UGT1A9: variants seen among roughly 807,000 people sequenced by gnomAD.
UGT1A9 encodes the protein UDP glucuronosyltransferase family 1 member A9, also known as UDP-glucuronosyltransferase 1A9.
Under a neutral mutation model 45.0 loss-of-function variants are expected in UGT1A9, and 35 were observed. The ratio of observed to expected loss-of-function variants is 0.78; its 90% CI spans 0.59 to 1.03. The LOEUF (loss-of-function observed/expected upper bound fraction) is 1.03, where lower values mean the gene tolerates loss of function less well. Ranked by LOEUF, UGT1A9 falls within the 50% of genes least tolerant of loss-of-function variation. The probability of loss-of-function intolerance (pLI) is 0.00; values close to 1 mark genes in which losing one functional copy is unlikely to be tolerated. For missense variants in UGT1A9, 687 were observed against 666.6 expected (o/e 1.03, Z -0.34); for synonymous variants, 278 against 250.6 (o/e 1.11, Z -1.03).
chr2:233,686,016 A>G lies in UGT1A9; in HGVS notation c.855+13227A>G, dbSNP rs565898309. On this transcript the variant is annotated intron_variant, in intron 1 of 4. Coordinates refer to ENST00000354728, the MANE Select transcript of UGT1A9 (RefSeq NM_021027.3). ...CTGTACATCCTTTGCCTTGATTTTCATCATGGTGCCAAGAGCATTGAAATG... is the reference window on the plus strand; with the variant it reads ...CTGTACATCCTTTGCCTTGATTTTCGTCATGGTGCCAAGAGCATTGAAATG... Among the ~76,000 whole-genome samples the G allele has an allele frequency of 7.0e-4, 107 of 152,332 alleles. 1 individual carries two copies. Among genetic ancestry groups the G allele is most frequent in the African/African-American group, 2.3e-3 (96 of 41,584 alleles).
At chr2:233,742,213 CAGGGCTGAG>C (rs1691910007) in intron 1 of UGT1A9, among the ~76,000 whole-genome samples, 1 of 151,938 alleles carries the variant, frequency 6.6e-6, no homozygotes, top group Non-Finnish European at 1.5e-5. Context: ...TCACAGCCTT[CAGGGCTGAG>C]AGCCCCAAAC....
At chr2:233,706,326 T>C (rs559515349) in intron 1 of UGT1A9, among the ~76,000 whole-genome samples, 1 of 152,188 alleles carries the variant, frequency 6.6e-6, no homozygotes, top group Non-Finnish European at 1.5e-5. Flanking sequence ...TTGGAACTAT[T>C]CAAGCTGGTG....
intron 1 of UGT1A9, chr2:233,755,330 C>T (rs1695864854): frequency 6.5e-6 from 3 of 463,614 alleles, no homozygotes; most frequent in East Asian, 7.0e-5. Context: ...TGCCAGCACC[C>T]GCGCACAGGT....
chr2:233,729,112 G>T, intron 1 of UGT1A9: 1 of 1,612,932 alleles, frequency 6.2e-7, no homozygotes, highest in South Asian at 1.1e-5. Context: ...TCAGCTGTCC[G>T]TGTCTTCTGC....
chr2:233,753,212 A>G (rs1264665367), intron 1 of UGT1A9: 1 of 152,196 alleles, frequency 6.6e-6, no homozygotes, highest in Non-Finnish European at 1.5e-5. Context: ...AGTCTGTCTT[A>G]TTTTGATACT....
chr2:233,763,565 C>A (rs1354806563), intron 1 of UGT1A9, among the ~76,000 whole-genome samples: 1 of 152,164 alleles, frequency 6.6e-6, no homozygotes, highest in Admixed American at 6.5e-5. Context: ...AGTTACTGTT[C>A]TTATTTTCTC....
chr2:233,744,582 C>T (rs1692857811), intron 1 of UGT1A9, among the ~76,000 whole-genome samples: 2 of 151,846 alleles, frequency 1.3e-5, no homozygotes, highest in African/African-American at 4.9e-5. Flanking sequence ...CATCGTTTTA[C>T]AGTTTTTGCA....
chr2:233,677,561 G>A (rs922418586), intron 1 of UGT1A9, among the ~76,000 whole-genome samples: 2 of 152,024 alleles, frequency 1.3e-5, no homozygotes, highest in South Asian at 2.1e-4. Flanking sequence ...ATTAAAAAAC[G>A]TAACATATGA....
In UGT1A9 at chr2:233,760,246, A is replaced by ATG. The variant is rs772016461; in HGVS notation, c.856-6787_856-6786insGT. 1.6e-5 allele frequency: 25 copies of ATG among 1,608,940 alleles called. No homozygotes were observed. The South Asian group carries it at 2.6e-4, about 17-fold the overall frequency. ...ATTGGTTTTTGCCATATATATATAT[A>ATG]TAAGTAGGAGAGGGCGAACCTCTGG... On this transcript the variant is annotated intron_variant, in intron 1 of 4. Coordinates refer to ENST00000354728, the MANE Select transcript of UGT1A9 (RefSeq NM_021027.3).
rs186476397 is a variant in UGT1A9, at chr2:233,730,211, C to T, written c.856-36823C>T. Among the ~76,000 whole-genome samples the T allele has an allele frequency of 1.1e-3, 161 of 152,112 alleles. 1 individual carries two copies. The highest frequency in any genetic ancestry group is 3.7e-3 in the African/African-American group (152 of 41,476). On this transcript the variant is annotated intron_variant, in intron 1 of 4. Coordinates refer to ENST00000354728, the MANE Select transcript of UGT1A9 (RefSeq NM_021027.3). ...CACTGAGAGGAAGAGGAAGTAGACA[C>T]GAATGTTTGTAAAAGGATGGACAAG...
chr2:233,729,231 C>T (rs777258735), intron 1 of UGT1A9: 1 of 1,614,178 alleles, frequency 6.2e-7, no homozygotes, highest in East Asian at 2.2e-5. Context: ...TGGTGGTGCC[C>T]ATTGATGGCA....
intron 1 of UGT1A9, among the ~76,000 whole-genome samples, chr2:233,740,158 G>A (rs2125827659): frequency 6.6e-6 from 1 of 151,948 alleles, no homozygotes; most frequent in East Asian, 1.9e-4. Flanking sequence ...GGCCTCCCCA[G>A]TCATGTGGAA....
In UGT1A9 at chr2:233,671,919, C is replaced by T. The variant is rs373067496; in HGVS notation, c.-16C>T. The stretch of plus-strand genomic sequence containing the variant: ...GCTTAGATTCCCAGCTGCTTGCTCT[C>T]AGCTGCAGTTCTCTGATGGCTTGCA... On this transcript the variant is annotated 5_prime_UTR_variant, in exon 1 of 5. Coordinates refer to ENST00000354728, the MANE Select transcript of UGT1A9 (RefSeq NM_021027.3). The T allele has an allele frequency of 5.6e-6, 9 of 1,592,956 alleles. No individual in the cohort carries two copies. The African/African-American group carries it at 8.1e-5, about 14-fold the overall frequency.
chr2:233,729,082 G>T (rs2077787378), intron 1 of UGT1A9: 1 of 1,612,130 alleles, frequency 6.2e-7, no homozygotes, highest in Admixed American at 1.7e-5. Flanking sequence ...AATGTAGCAG[G>T]CACAGCGTGG....
intron 1 of UGT1A9, among the ~76,000 whole-genome samples, chr2:233,730,329 G>A (rs1170762971): frequency 1.3e-5 from 2 of 152,172 alleles, no homozygotes; most frequent in Non-Finnish European, 2.9e-5. Context: ...GGGACACTAC[G>A]TTTGGAACTG....
At chr2:233,735,449 C>T (rs1176154761) in intron 1 of UGT1A9, among the ~76,000 whole-genome samples, 6 of 152,110 alleles carry the variant, frequency 3.9e-5, no homozygotes, top group Admixed American at 1.3e-4. Flanking sequence ...ACCGATGGGC[C>T]TTGACTCTTT....
intron 3 of UGT1A9, 80 bp from the exon 4 acceptor site, chr2:233,768,140 A>T: frequency 6.2e-7 from 1 of 1,609,884 alleles, no homozygotes; most frequent in Non-Finnish European, 8.5e-7. Flanking sequence ...GAGTCTTTGG[A>T]GTGTTTTCAG....
intron 1 of UGT1A9, among the ~76,000 whole-genome samples, chr2:233,765,317 T>G (rs984736516): frequency 1.3e-5 from 2 of 152,240 alleles, no homozygotes; most frequent in Non-Finnish European, 2.9e-5. Flanking sequence ...ATTTGTTTAT[T>G]GCAGCACTAT....
chr2:233,733,512 C>T (rs1027549522), intron 1 of UGT1A9, among the ~76,000 whole-genome samples: 2 of 152,148 alleles, frequency 1.3e-5, no homozygotes, highest in African/African-American at 4.8e-5. Flanking sequence ...CAGTTTTAGG[C>T]ATGAAGGGAT....
Sources: gnomAD v4.1 joint callset for allele counts (sites outside exome capture counted in the v4.1 genomes callset) on GRCh38, gnomAD v4.1.1 for gene constraint, MANE v1.5 for transcripts, NCBI Gene and HGNC (gene_info 2026-07-23, HGNC 2026-07-21) for gene names.